The following POLRMT variants were observed in gnomAD, a reference collection of about 807,000 sequenced individuals.
The protein encoded by POLRMT is DNA-directed RNA polymerase, mitochondrial.
Under a neutral mutation model 132.2 loss-of-function variants are expected in POLRMT, and 114 were observed. The observed-to-expected ratio is 0.86, with a 90% CI of 0.74 to 1.01. The LOEUF is 1.01. Ranked by LOEUF, POLRMT falls within the 50% of genes least tolerant of loss-of-function variation. The probability of loss-of-function intolerance (pLI) is 0.00; values close to 1 mark genes in which losing one functional copy is unlikely to be tolerated. For missense variants in POLRMT, 2,003 were observed against 1,729.1 expected (o/e 1.16, Z -2.81); for synonymous variants, 1,020 against 773.4 (o/e 1.32, Z -5.29).
In POLRMT at chr19:633,531, C is replaced by G. The variant is rs556628616; in HGVS notation, c.-19G>C. The G allele has an allele frequency of 5.6e-6, 8 of 1,438,916 alleles. No individual in the cohort carries two copies. In the Admixed American group the frequency reaches 6.6e-5, roughly 12 times the overall value. 89.1% of individuals were successfully genotyped at this position (1,438,916 alleles called of 1,614,324 possible). A position where few individuals can be genotyped will look rare whatever the true frequency, so the allele number is the denominator to read the frequency against. ...CCGACATTACGCACGCCGCTCCAGG[C>G]CACCCCACCGGCCCGCGCCTGCGCA... On this transcript the variant is annotated 5_prime_UTR_variant, in exon 1 of 21. Coordinates refer to ENST00000588649, the MANE Select transcript of POLRMT (RefSeq NM_005035.4).
chr19:629,822 G>A lies in POLRMT; in HGVS notation c.540C>T (p.Arg180=), dbSNP rs1421480330. 2.5e-6 allele frequency: 4 copies of A among 1,596,896 alleles called. No homozygotes were observed. The highest frequency in any genetic ancestry group is 3.4e-6 in the Non-Finnish European group (4 of 1,172,442). ...QMAGCLEDCT[R]QAPESPWEEQ... ...CCTCCCAGGGGCTCTCGGGGGCCTG[G>A]CGCGTGCAGTCCTCCAGGCACCCGG... Residue 180 remains arginine (R), a synonymous_variant, in exon 3 of 21, where the codon CGC becomes CGT. Transcript: ENST00000588649.
chr19:624,792 G>A lies in POLRMT; in HGVS notation c.1067C>T (p.Pro356Leu), dbSNP rs984411177. 1 of 1,613,560 alleles carries A rather than the reference G, an allele frequency of 6.2e-7. No individual in the cohort carries two copies. The highest frequency in any genetic ancestry group is 1.7e-4 in the Middle Eastern group (1 of 6,060). ...CAGCTGCGGCGGGAGGCTGAAGGTG[G>A]GCTTCACCTTGTGCACGGCCTTCAG... ...TVLKAVHKVK[P>L]TFSLPPQLPP... Residue 356 changes from proline to leucine, a missense_variant, in exon 5 of 21, where the codon CCC becomes CTC. By Grantham distance (98) the Pro-to-Leu change is moderately conservative. Coordinates refer to ENST00000588649, the MANE Select transcript of POLRMT (RefSeq NM_005035.4).
At position 633,477 on chromosome 19, in the gene POLRMT, C is replaced by A. The variant is rs752965908; in HGVS notation, c.36G>T (p.Gly12=). Residue 12 remains glycine, a synonymous_variant, in exon 1 of 21, where the codon GGG becomes GGT. Coordinates refer to ENST00000588649, the MANE Select transcript of POLRMT (RefSeq NM_005035.4). ...SALCWGRGAA[G]LKRALRPCGR... ...CGCAAGGCCGTAGGGCTCGTTTGAG[C>A]CCCGCCGCTCCGCGGCCCCAGCAAA... 6.4e-7 allele frequency: 1 copy of A among 1,560,940 alleles called. No homozygotes were observed. Among genetic ancestry groups the A allele is most frequent in the Admixed American group, 1.7e-5 (1 of 57,282 alleles).
chr19:618,501 G>C lies in POLRMT; in HGVS notation c.3409C>G (p.Leu1137Val), dbSNP rs532455595. ...GGAGACGCCCACCTGTAGCAGTGCA[G>C]GGCGGTGAGCATCATGTGGGAGGAG... The part of the protein sequence containing the change: ...LDSSHMMLTA[L>V]HCYRKGLTFV... The change falls in exon 17 of 21, where the codon CTG (leucine) becomes GTG (valine). Residue 1137 changes from leucine to valine, a missense_variant. Leu to Val is a conservative substitution (Grantham distance 32, BLOSUM62 1). Transcript: ENST00000588649. 2.5e-6 allele frequency: 4 copies of C among 1,611,346 alleles called. No homozygotes were observed. Among genetic ancestry groups the C allele is most frequent in the Admixed American group, 1.7e-5 (1 of 59,888 alleles).
At position 621,419 on chromosome 19, in the gene POLRMT, C is replaced by T. The variant is rs1181014328; in HGVS notation, c.2279G>A (p.Arg760His). ...CACCTTCTGGCAGTGCGCCAGCTCA[C>T]GGCGCAGCTCGGCCTTGCGGGCGGG... ...AAPARKAELR[R>H]ELAHCQKVAR... The change falls in exon 10 of 21, where the codon CGT (arginine) becomes CAT (histidine). Residue 760 changes from arginine to histidine, a missense_variant. Coordinates refer to ENST00000588649, the MANE Select transcript of POLRMT (RefSeq NM_005035.4). 6.1e-6 allele frequency: 9 copies of T among 1,485,668 alleles called. No homozygotes were observed. Among genetic ancestry groups the T allele is most frequent in the South Asian group, 5.0e-5 (4 of 79,736 alleles). The allele number at this position is 1,485,668 out of a possible 1,614,324, so 92.0% of individuals were successfully genotyped here.
rs146355392 is a variant in POLRMT at position 617,822 on chromosome 19, G to A, written c.3450C>T (p.His1150=). The A allele has an allele frequency of 1.1e-4, 172 of 1,613,304 alleles. No individual in the cohort carries two copies. The highest frequency in any genetic ancestry group is 1.8e-4 in the Admixed American group (11 of 60,020). ...YRKGLTFVSV[H]DCYWTHAADV... The stretch of plus-strand genomic sequence containing the variant: ...CAGCTGCGTGAGTCCAGTAACAGTC[G>A]TGCACAGAGACGAAGGTCAGGCCCT... The change falls in exon 18 of 21, where the codon CAC becomes CAT. Residue 1150 remains histidine (H), a synonymous_variant. Transcript: ENST00000588649.
intron 2 of POLRMT, among the ~76,000 whole-genome samples, chr19:630,600 C>G (rs1323621856): frequency 6.6e-6 from 1 of 152,106 alleles, no homozygotes; most frequent in African/African-American, 2.4e-5. Flanking sequence ...TAGCTCAGGG[C>G]CTCTGCACAG....
At position 624,709 on chromosome 19, in the gene POLRMT, G is replaced by A. The variant is rs569238374; in HGVS notation, c.1140+10C>T. On this transcript the variant is annotated intron_variant, in intron 5 of 20. Transcript: ENST00000588649. ...AGGACTGAAGTCTGCCGGGGCCCAC[G>A]TGGGCTCACCTTGGCATACACGTCC... The A allele has an allele frequency of 8.7e-6, 14 of 1,609,446 alleles. No individual in the cohort carries two copies. Among genetic ancestry groups the A allele is most frequent in the African/African-American group, 2.7e-5 (2 of 74,978 alleles).
intron 1 of POLRMT, 116 bp from the exon 2 acceptor site, chr19:633,054 G>T: frequency 1.3e-6 from 1 of 742,572 alleles, no homozygotes; most frequent in Non-Finnish European, 2.0e-6. Flanking sequence ...GGAAACTCTC[G>T]GAGCACGGGC....
chr19:624,572 C>T (rs893242084), intron 5 of POLRMT, 147 bp downstream of exon 5: 3 of 945,410 alleles, frequency 3.2e-6, no homozygotes, highest in Non-Finnish European at 4.6e-6. Context: ...GTCCTCCCAT[C>T]TTCTCAGAGG....
At chr19:623,740 C>T (rs963712804) in intron 5 of POLRMT, 137 bp from the exon 6 acceptor site, 29 of 1,080,088 alleles carry the variant, frequency 2.7e-5, no homozygotes, top group Admixed American at 9.8e-5. Context: ...CGGGGAAAGG[C>T]GGGCTGCGGG....
rs1984496744 is a variant in POLRMT, at chr19:620,913, GAA to G, written c.2640+143_2640+144del. 393 of 138,102 alleles carry G rather than the reference GAA, an allele frequency of 2.8e-3. 97 individuals carry two copies. In the South Asian group the frequency reaches 0.029, roughly 10 times the overall value. The allele number at this position is 138,102 out of a possible 1,614,324, so 8.6% of individuals were successfully genotyped here. ...CGCCAGGGGAGGGGGAGGGGAGGAG[GAA>G]GACGGGCAGGGGGCGCCAGGGGAGG... On this transcript the variant is annotated intron_variant, in intron 10 of 20. Transcript: ENST00000588649.
At chr19:632,402 C>A (rs1233818741) in intron 2 of POLRMT, among the ~76,000 whole-genome samples, 3 of 152,218 alleles carry the variant, frequency 2.0e-5, no homozygotes, top group Non-Finnish European at 4.4e-5. Flanking sequence ...ACCGCTGGAG[C>A]CTGGGCTGTC....
chr19:619,528 T>C, intron 13 of POLRMT, 58 bp downstream of exon 13: 1 of 1,596,254 alleles, frequency 6.3e-7, no homozygotes, highest in Non-Finnish European at 8.6e-7. Flanking sequence ...GGCACACCCG[T>C]CTGAGTTTTA....
rs1294473413 is a variant in POLRMT at position 623,933 on chromosome 19, G to A, written c.1141-330C>T. On this transcript the variant is annotated intron_variant, in intron 5 of 20. Transcript: ENST00000588649. ...CTGTTTTCTCCTCAAACTCAGAACT[G>A]TATGAATGTGACCCATCCAGAAATA... 5.9e-5 allele frequency among the ~76,000 whole-genome samples: 9 copies of A among 152,186 alleles called. No homozygotes were observed. The South Asian group carries it at 1.4e-3, about 25-fold the overall frequency.
chr19:625,533 T>A (rs1313344754), intron 3 of POLRMT: 1 of 396,658 alleles, frequency 2.5e-6, no homozygotes, highest in East Asian at 4.6e-5. Flanking sequence ...ATTGTGTGGA[T>A]CTTTTCAAAG....
chr19:632,874 T>C lies in POLRMT; in HGVS notation c.153A>G (p.Gln51=). ...SSSASPQEQD[Q]DRRKDWGHVE... is the part of the protein sequence containing the mutation. ...CGTGGCCCCAGTCCTTCCTGCGGTCTTGGTCTTGCTCCTGGGGGCTGGCGG... is the reference window on the plus strand; with the variant it reads ...CGTGGCCCCAGTCCTTCCTGCGGTCCTGGTCTTGCTCCTGGGGGCTGGCGG... The change falls in exon 2 of 21, where the codon CAA becomes CAG. Residue 51 remains glutamine (Q), a synonymous_variant. Coordinates refer to ENST00000588649, the MANE Select transcript of POLRMT (RefSeq NM_005035.4). 3 of 1,553,102 alleles carry C rather than the reference T, an allele frequency of 1.9e-6. No individual in the cohort carries two copies.
At position 622,728 on chromosome 19, in the gene POLRMT, C is replaced by T; in HGVS notation, c.1480G>A (p.Gly494Ser). 1.9e-6 allele frequency: 3 copies of T among 1,597,228 alleles called. No homozygotes were observed. The highest frequency in any genetic ancestry group is 2.6e-6 in the Non-Finnish European group (3 of 1,173,366). Residue 494 changes from glycine (G) to serine (S), a missense_variant, in exon 8 of 21, where the codon GGT becomes AGT. By Grantham distance (56) the Gly-to-Ser change is moderately conservative. Transcript: ENST00000588649. ...LQVLQALPAQ[G>S]ESFTTLAREL... is the part of the protein sequence containing the mutation. ...CGGGCCAGGGTGGTGAAGGACTCAC[C>T]TTGGGCGGGCAGCGCCTGCAGGACC...
At chr19:625,454 C>G (rs1183254111) in intron 3 of POLRMT, 200 bp from the exon 4 acceptor site, 4 of 614,576 alleles carry the variant, frequency 6.5e-6, no homozygotes, top group Non-Finnish European at 1.1e-5. Context: ...GCCGCATGGC[C>G]CGCCAGGTGG....
Sources: allele counts gnomAD v4.1 joint callset (sites outside exome capture counted in the v4.1 genomes callset), GRCh38; gene constraint gnomAD v4.1.1; transcripts MANE v1.5; gene names NCBI Gene and HGNC (gene_info 2026-07-23, HGNC 2026-07-21).